The following CPNE2 variants were observed in gnomAD, a reference collection of about 807,000 sequenced individuals.
CPNE2 encodes copine 2, also known as copine-2.
A neutral mutation model predicts 69.7 loss-of-function variants in CPNE2; 42 were observed. The observed-to-expected ratio is 0.60, with a 90% CI of 0.47 to 0.78. CPNE2 has a LOEUF of 0.78. CPNE2 is among the 30% of genes least tolerant of loss of function. CPNE2 has a pLI of 0.00. For missense variants in CPNE2, 587 were observed against 732.0 expected, an observed-to-expected ratio of 0.80 and a Z score of 2.29; for synonymous variants, 294 against 289.8, an observed-to-expected ratio of 1.01 and a Z score of -0.15.
intron 1 of CPNE2, among the ~76,000 whole-genome samples, chr16:57,106,526 G>A (rs11863667): frequency 6.6e-6 from 1 of 152,096 alleles, no homozygotes; most frequent in Admixed American, 6.5e-5. Flanking sequence ...GTGCGTATGT[G>A]TATGTGTGTA....
rs754733944 is a variant in CPNE2, at chr16:57,146,151, G to A, written c.1369G>A (p.Val457Met). 5 of 1,590,754 alleles carry A rather than the reference G, an allele frequency of 3.1e-6. No homozygotes were observed. The highest frequency in any genetic ancestry group is 2.7e-5 in the African/African-American group (2 of 74,498). The stretch of plus-strand genomic sequence containing the variant: ...TGACATGGAGGAGACACGGCATGCC[G>A]TGGTGCAGGCTTCCAAGCTGCCCAT... ...ISDMEETRHA[V>M]VQASKLPMSI... Residue 457 changes from valine to methionine, a missense_variant, in exon 15 of 16, where the codon GTG becomes ATG. This residue lies in a region of CPNE2 where 185 missense variants were observed against 252.3 expected (regional missense o/e 0.73). Coordinates refer to ENST00000290776, the MANE Select transcript of CPNE2 (RefSeq NM_152727.6). The surrounding 1 kb of genome is among the most constrained non-coding windows in gnomAD (Gnocchi z 4.4).
chr16:57,134,919 T>A, intron 13 of CPNE2, 93 bp downstream of exon 13: 1 of 1,327,370 alleles, frequency 7.5e-7, no homozygotes, highest in Non-Finnish European at 1.1e-6. Context: ...GGTTTTCATT[T>A]CTTTCTCCTT....
chr16:57,106,034 T>A (rs2069646106), intron 1 of CPNE2: 1 of 152,584 alleles, frequency 6.6e-6, no homozygotes, highest in African/African-American at 2.4e-5. Flanking sequence ...AGTTTCTTTT[T>A]CCATTGCGTC....
chr16:57,113,144 G>T (rs755631037), intron 2 of CPNE2, 144 bp from the exon 3 acceptor site: 13 of 707,608 alleles, frequency 1.8e-5, no homozygotes, highest in Non-Finnish European at 2.8e-5. Flanking sequence ...TCTGTGAGCT[G>T]GGGATAGTGA....
rs548932309 is a variant in CPNE2 at position 57,132,597 on chromosome 16, G to C, written c.1117-2178G>C. Among the ~76,000 whole-genome samples, 93 of 152,212 alleles carry C rather than the reference G, an allele frequency of 6.1e-4. 1 individual carries two copies. The highest frequency in any genetic ancestry group is 7.6e-4 in the Non-Finnish European group (52 of 68,032). On this transcript the variant is annotated intron_variant, in intron 12 of 15. Transcript: ENST00000290776. The stretch of plus-strand genomic sequence containing the variant: ...CCATTGGCTGTCAGAAGGCAATAGG[G>C]AGTCCCAGGACAAAGGCCTGTGGCT...
chr16:57,136,768 G>T (rs1381662422), intron 13 of CPNE2, among the ~76,000 whole-genome samples: 2 of 152,156 alleles, frequency 1.3e-5, no homozygotes, highest in African/African-American at 4.8e-5. Context: ...ACAAAAATTA[G>T]CCAGGTGTGG....
At position 57,125,847 on chromosome 16, in the gene CPNE2, C is replaced by T; in HGVS notation, c.928-13C>T. 6.2e-7 allele frequency: 1 copy of T among 1,613,958 alleles called. No individual in the cohort carries two copies. ...TCTGGCCCCACTGGGTGGCCTTTTTCTCCACTCTGCAGGTTGGAATAGACT... is the reference window on the plus strand; with the variant it reads ...TCTGGCCCCACTGGGTGGCCTTTTTTTCCACTCTGCAGGTTGGAATAGACT... On this transcript the variant is annotated splice_polypyrimidine_tract_variant and intron_variant, in intron 10 of 15. Transcript: ENST00000290776.
intron 12 of CPNE2, among the ~76,000 whole-genome samples, chr16:57,134,563 T>C (rs1459497810): frequency 1.3e-5 from 2 of 151,652 alleles, no homozygotes; most frequent in African/African-American, 2.4e-5. Flanking sequence ...TTTCCTCCAC[T>C]ATGAGGAGAG....
At chr16:57,123,899 TCCTTCTGCATTTGTTGTTC>T (rs2069781103) in intron 10 of CPNE2, 1 of 205,144 alleles carries the variant, frequency 4.9e-6, no homozygotes, top group African/African-American at 2.3e-5. Flanking sequence ...CATTTGCTGT[TCCTTCTGCATTTGTTGTTC>T]CCTCTGCCTG....
chr16:57,114,479 G>C (rs965260520), intron 3 of CPNE2, among the ~76,000 whole-genome samples: 4 of 152,154 alleles, frequency 2.6e-5, no homozygotes, highest in Non-Finnish European at 4.4e-5. Flanking sequence ...CCCGTCTCCT[G>C]CCCATCCCCC....
intron 1 of CPNE2, among the ~76,000 whole-genome samples, chr16:57,098,032 C>T (rs555685813): frequency 2.1e-3 from 297 of 142,722 alleles, no homozygotes; most frequent in African/African-American, 7.3e-3. Context: ...AGGTCAGCCC[C>T]TATAAGTGAC....
intron 1 of CPNE2, chr16:57,106,035 C>G (rs769752859): frequency 6.6e-6 from 1 of 152,662 alleles, no homozygotes; most frequent in Non-Finnish European, 1.5e-5. Flanking sequence ...GTTTCTTTTT[C>G]CATTGCGTCA....
rs2069959248 is a variant in CPNE2, at chr16:57,146,437, T to C, written c.1539+116T>C. ...CCCAATCCTAGACTTCTCCACTCCA[T>C]TGACTATGCTCTTCTGAGGGCCTGC... On this transcript the variant is annotated intron_variant, in intron 15 of 15. Coordinates refer to ENST00000290776, the MANE Select transcript of CPNE2 (RefSeq NM_152727.6). The surrounding 1 kb of genome is among the most constrained non-coding windows in gnomAD (Gnocchi z 4.4). 10 of 895,188 alleles carry C rather than the reference T, an allele frequency of 1.1e-5. 1 individual carries two copies. In the South Asian group the frequency reaches 1.4e-4, roughly 12 times the overall value. 55.5% of individuals were successfully genotyped at this position (895,188 alleles called of 1,614,324 possible).
At position 57,127,903 on chromosome 16, in the gene CPNE2, G is replaced by A; in HGVS notation, c.1116G>A (p.Lys372=). Residue 372 remains lysine (K), a splice_region_variant and synonymous_variant, in exon 12 of 16, where the codon AAG becomes AAA. Coordinates refer to ENST00000290776, the MANE Select transcript of CPNE2 (RefSeq NM_152727.6). Reference sequence around the variant, plus strand: ...GGGCCCAGTTACCCCCAGACTGGAAGGTGAGTGAAACCGGAGTTAGTTTCC... The same window carrying A: ...GGGCCCAGTTACCCCCAGACTGGAAAGTGAGTGAAACCGGAGTTAGTTTCC... ...GFGAQLPPDW[K]VSHEFAINFN... is the part of the protein sequence containing the mutation. 1 of 1,614,122 alleles carries A rather than the reference G, an allele frequency of 6.2e-7. No individual in the cohort carries two copies. The highest frequency in any genetic ancestry group is 8.5e-7 in the Non-Finnish European group (1 of 1,179,994).
chr16:57,121,289 T>A, intron 8 of CPNE2, 98 bp downstream of exon 8: 1 of 975,822 alleles, frequency 1.0e-6, no homozygotes, highest in Non-Finnish European at 1.6e-6. Flanking sequence ...GAGATCCCCC[T>A]TCTGGCTGCA....
chr16:57,144,591 G>C (rs58928969), intron 14 of CPNE2: 1 of 152,268 alleles, frequency 6.6e-6, no homozygotes, highest in Non-Finnish European at 1.5e-5. Flanking sequence ...TTGATGTTAC[G>C]GATGGGGGAA....
intron 2 of CPNE2, among the ~76,000 whole-genome samples, chr16:57,112,132 G>A (rs2069685255): frequency 6.6e-6 from 1 of 152,194 alleles, no homozygotes; most frequent in Admixed American, 6.5e-5. Flanking sequence ...TCCCATGGAT[G>A]TTGGCTCCTT....
rs754374445 is a variant in CPNE2, at chr16:57,147,568, G to A, written c.1557G>A (p.Leu519=). The change falls in exon 16 of 16, where the codon TTG becomes TTA. Residue 519 remains leucine, a synonymous_variant. Coordinates refer to ENST00000290776, the MANE Select transcript of CPNE2 (RefSeq NM_152727.6). ...CCCTGCAGGCAGCAAAAGAGACCTTGGCCAAAGCTGTGCTGGCGGAGCTGC... is the reference window on the plus strand; with the variant it reads ...CCCTGCAGGCAGCAAAAGAGACCTTAGCCAAAGCTGTGCTGGCGGAGCTGC... ...REFRNAAKET[L]AKAVLAELPQ... is the part of the protein sequence containing the mutation. The A allele has an allele frequency of 1.2e-6, 2 of 1,604,450 alleles. No individual in the cohort carries two copies. The highest frequency in any genetic ancestry group is 3.4e-5 in the Admixed American group (2 of 59,670).
Position 57,123,419 on chromosome 16 carries a change from C to T in CPNE2, c.873C>T (p.Asn291=). The change falls in exon 10 of 16, where the codon AAC becomes AAT. Residue 291 remains asparagine (N), a synonymous_variant. Coordinates refer to ENST00000290776, the MANE Select transcript of CPNE2 (RefSeq NM_152727.6). ...ACTCATCCGCTTTCTTCCAGATAAA[C>T]CGAGACTACTCCTTCCTTGACTACA... The part of the protein sequence containing the change: ...GIIILRSCKI[N]RDYSFLDYIL... 1 of 1,613,018 alleles carries T rather than the reference C, an allele frequency of 6.2e-7. No individual in the cohort carries two copies. The highest frequency in any genetic ancestry group is 8.5e-7 in the Non-Finnish European group (1 of 1,180,028).
Sources: gnomAD v4.1 joint callset for allele counts (sites outside exome capture counted in the v4.1 genomes callset) on GRCh38, gnomAD v4.1.1 for gene constraint, gnomAD v4.1.1 regional missense constraint, Gnocchi (gnomAD v3.1) non-coding constraint, MANE v1.5 for transcripts, NCBI Gene and HGNC (gene_info 2026-07-23, HGNC 2026-07-21) for gene names.